ABTB2: variants seen among roughly 807,000 people sequenced by gnomAD.
ABTB2 encodes the protein ankyrin repeat and BTB domain containing 2, also known as ankyrin repeat and BTB/POZ domain-containing protein 2.
In ABTB2, 56 loss-of-function variants were observed where a neutral mutation model predicts 104.1. That is an observed-to-expected ratio of 0.54 (90% confidence interval 0.43 to 0.67). The LOEUF is 0.67. Among genes scored for constraint, ABTB2 ranks in the 30% least tolerant of loss-of-function variants. The pLI is 0.00. For missense variants in ABTB2, 1,279 were observed against 1,407.7 expected (o/e 0.91, Z 1.46); for synonymous variants, 606 against 608.2 (o/e 1.00, Z 0.05).
chr11:34,179,817 G>C (rs1853003105), intron 3 of ABTB2, among the ~76,000 whole-genome samples: 1 of 152,170 alleles, frequency 6.6e-6, no homozygotes, highest in African/African-American at 2.4e-5. Flanking sequence ...GAGGGAGATG[G>C]CCTGGGTTGG....
At chr11:34,185,792 A>G (rs1224991983) in intron 3 of ABTB2, among the ~76,000 whole-genome samples, 1 of 152,188 alleles carries the variant, frequency 6.6e-6, no homozygotes, top group East Asian at 1.9e-4. Flanking sequence ...ACAATGTATT[A>G]TATGTTTCAA....
chr11:34,250,878 A>G (rs924913089), intron 1 of ABTB2, among the ~76,000 whole-genome samples: 2 of 152,236 alleles, frequency 1.3e-5, no homozygotes, highest in African/African-American at 4.8e-5. Flanking sequence ...GGTAGAAACC[A>G]TCATTGCCAT....
In ABTB2 at chr11:34,254,001, A is replaced by G. The variant is rs145138477; in HGVS notation, c.884-49311T>C. Among the ~76,000 whole-genome samples the G allele has an allele frequency of 7.9e-5, 12 of 152,264 alleles. No homozygotes were observed. The East Asian group carries it at 2.1e-3, about 27-fold the overall frequency. ...TGGCCATGTAGATTTGTAGTTTCCT[A>G]TGTGGTACAGCAGTGGCAGTGTAAC... On this transcript the variant is annotated intron_variant, in intron 1 of 16. Transcript: ENST00000435224.
chr11:34,239,144 A>C (rs1163941814), intron 1 of ABTB2, among the ~76,000 whole-genome samples: 1 of 152,192 alleles, frequency 6.6e-6, no homozygotes, highest in Non-Finnish European at 1.5e-5. Flanking sequence ...GGAGGTACCC[A>C]GTAAGTATCT....
At chr11:34,295,920 C>T (rs1241176790) in intron 1 of ABTB2, among the ~76,000 whole-genome samples, 2 of 151,998 alleles carry the variant, frequency 1.3e-5, no homozygotes, top group Non-Finnish European at 2.9e-5. Flanking sequence ...TCTCCAAACA[C>T]CATCACATTG....
intron 1 of ABTB2, among the ~76,000 whole-genome samples, chr11:34,350,623 G>T (rs767865998): frequency 1.3e-5 from 2 of 152,118 alleles, no homozygotes; most frequent in African/African-American, 2.4e-5. Context: ...TACACCCCTG[G>T]GTGTCAGTGC....
intron 1 of ABTB2, among the ~76,000 whole-genome samples, chr11:34,301,492 A>T (rs943117003): frequency 3.3e-5 from 5 of 152,230 alleles, no homozygotes; most frequent in African/African-American, 9.6e-5. Context: ...AAATTGGGGC[A>T]ATCAGATCCA....
At chr11:34,294,274 T>C (rs1854595535) in intron 1 of ABTB2, among the ~76,000 whole-genome samples, 1 of 152,056 alleles carries the variant, frequency 6.6e-6, no homozygotes, top group African/African-American at 2.4e-5. Flanking sequence ...GAGGCTGCAG[T>C]GAACAGTGAT....
At chr11:34,207,045 ACT>A (rs1423380925) in intron 1 of ABTB2, among the ~76,000 whole-genome samples, 1 of 152,062 alleles carries the variant, frequency 6.6e-6, no homozygotes, top group African/African-American at 2.4e-5. Flanking sequence ...TAAAGCAGAA[ACT>A]CTCCCTGACA....
At chr11:34,205,806 G>A (rs1276672980) in intron 1 of ABTB2, among the ~76,000 whole-genome samples, 5 of 152,242 alleles carry the variant, frequency 3.3e-5, no homozygotes, top group East Asian at 3.9e-4. Flanking sequence ...GTTGGGGTTC[G>A]TAATTCTGGC....
intron 1 of ABTB2, chr11:34,335,678 C>A: frequency 1.4e-6 from 2 of 1,407,630 alleles, no homozygotes. Context: ...TTGTGTCTTT[C>A]ACTTGATAAA....
At chr11:34,348,797 G>T (rs932119841) in intron 1 of ABTB2, among the ~76,000 whole-genome samples, 1 of 152,164 alleles carries the variant, frequency 6.6e-6, no homozygotes, top group African/African-American at 2.4e-5. Flanking sequence ...CTAGACAGTG[G>T]AGTCTATCGC....
At chr11:34,158,410 CA>C (rs200582871) in intron 14 of ABTB2, among the ~76,000 whole-genome samples, 1 of 150,812 alleles carries the variant, frequency 6.6e-6, no homozygotes, top group African/African-American at 2.4e-5. Flanking sequence ...GACTCCGTGT[CA>C]AAAAAAACAA....
At chr11:34,195,075 C>CGCGG (rs1554982288) in intron 3 of ABTB2, among the ~76,000 whole-genome samples, 4 of 18,072 alleles carry the variant, frequency 2.2e-4, no homozygotes, top group Admixed American at 6.6e-4. Flanking sequence ...AGATGCCCGG[C>CGCGG]GGGGGGGGGG....
chr11:34,198,605 A>G (rs1590214437), intron 2 of ABTB2, among the ~76,000 whole-genome samples: 1 of 152,272 alleles, frequency 6.6e-6, no homozygotes, highest in South Asian at 2.1e-4. Flanking sequence ...ACTTGAATTC[A>G]TGTCTGTTCG....
intron 1 of ABTB2, among the ~76,000 whole-genome samples, chr11:34,340,559 T>C (rs1379233070): frequency 6.6e-6 from 1 of 152,204 alleles, no homozygotes; most frequent in African/African-American, 2.4e-5. Context: ...GGATCCTTTC[T>C]ACAGCTCAAG....
intron 1 of ABTB2, among the ~76,000 whole-genome samples, chr11:34,316,649 C>T (rs1854934103): frequency 6.6e-6 from 1 of 152,054 alleles, no homozygotes; most frequent in East Asian, 1.9e-4. Context: ...GCTGCTGAAG[C>T]CCAGCTTTAA....
At chr11:34,342,988 G>C (rs966121767) in intron 1 of ABTB2, among the ~76,000 whole-genome samples, 11 of 149,950 alleles carry the variant, frequency 7.3e-5, no homozygotes, top group African/African-American at 2.7e-4. Flanking sequence ...TTCATTTTTT[G>C]AGATGGAGTC....
At chr11:34,324,765 C>T (rs1195329742) in intron 1 of ABTB2, among the ~76,000 whole-genome samples, 2 of 152,218 alleles carry the variant, frequency 1.3e-5, no homozygotes, top group African/African-American at 4.8e-5. Flanking sequence ...GAATTTCCAG[C>T]TCTGCTACTT....
Sources: allele counts gnomAD v4.1 joint callset (sites outside exome capture counted in the v4.1 genomes callset), GRCh38; gene constraint gnomAD v4.1.1; transcripts MANE v1.5; gene names NCBI Gene and HGNC (gene_info 2026-07-23, HGNC 2026-07-21).